The following STK3 variants were observed in gnomAD, a reference collection of about 807,000 sequenced individuals.
The protein encoded by STK3 is serine/threonine-protein kinase 3.
Under a neutral mutation model 58.0 loss-of-function variants are expected in STK3, and 41 were observed. The observed-to-expected ratio is 0.71, with a 90% CI of 0.55 to 0.92. STK3 has a LOEUF of 0.92. Among genes scored for constraint, STK3 ranks in the 40% least tolerant of loss-of-function variants. STK3 has a pLI of 0.00. For synonymous variants in STK3, 170 were observed against 191.0 expected (o/e 0.89, Z 0.91); for missense variants, 479 against 602.7 (o/e 0.79, Z 2.15).
intron 3 of STK3, among the ~76,000 whole-genome samples, chr8:98,395,606 C>T (rs192952925): frequency 1.3e-3 from 204 of 152,294 alleles, no homozygotes; most frequent in Non-Finnish European, 1.8e-3. Context: ...TGGCTACAAC[C>T]TTGATGTGTT....
chr8:98,816,033 C>T (rs1308312092), intron 1 of STK3, among the ~76,000 whole-genome samples: 1 of 152,134 alleles, frequency 6.6e-6, no homozygotes, highest in Non-Finnish European at 1.5e-5. Flanking sequence ...CTTGAGTCTG[C>T]TCCATCTCTG....
At position 98,428,602 on chromosome 8, in the gene STK3, G is replaced by A. The variant is rs1254614285; in HGVS notation, n.483+5525C>T. ...TCCATCATCACCATGTGCCTCAATAGCCTGCCCGATTTCCAAATCCCTGAC... is the reference window on the plus strand; with the variant it reads ...TCCATCATCACCATGTGCCTCAATAACCTGCCCGATTTCCAAATCCCTGAC... On this transcript the variant is annotated intron_variant and non_coding_transcript_variant, in intron 3 of 3. Coordinates refer to the STK3 transcript ENST00000517832. This position sits in a 1 kb window ranked among gnomAD's most constrained non-coding sequence, Gnocchi z 6.7. 1 of 1,614,140 alleles carries A rather than the reference G, an allele frequency of 6.2e-7. No homozygotes were observed. The highest frequency in any genetic ancestry group is 1.1e-5 in the South Asian group (1 of 91,080).
At chr8:98,588,232 G>A (rs997064943) in intron 7 of STK3, among the ~76,000 whole-genome samples, 2 of 152,064 alleles carry the variant, frequency 1.3e-5, no homozygotes, top group Non-Finnish European at 2.9e-5. Flanking sequence ...TGCAGCGGCT[G>A]GTGCCGGTTG....
chr8:98,605,956 G>C (rs141788895), intron 6 of STK3, among the ~76,000 whole-genome samples: 1 of 152,090 alleles, frequency 6.6e-6, no homozygotes, highest in Non-Finnish European at 1.5e-5. Context: ...GGCCGGGTGC[G>C]GTAGCTCATG....
chr8:98,442,480 C>T (rs1419978840), intron 1 of STK3, among the ~76,000 whole-genome samples: 2 of 152,208 alleles, frequency 1.3e-5, no homozygotes, highest in Admixed American at 6.5e-5. Context: ...CACCAAGGTG[C>T]GTTATTTCAG....
chr8:98,843,078 A>C (rs916782041), intron 3 of STK3, among the ~76,000 whole-genome samples: 5 of 150,344 alleles, frequency 3.3e-5, no homozygotes, highest in African/African-American at 1.2e-4. Context: ...TATATAATAT[A>C]TAATAAATAA....
At chr8:98,938,419 T>G (rs1366732636) in intron 1 of STK3, among the ~76,000 whole-genome samples, 3 of 152,126 alleles carry the variant, frequency 2.0e-5, no homozygotes, top group Admixed American at 2.0e-4. Context: ...CATTCAGATT[T>G]TTAGTTGGGG....
At chr8:98,514,171 G>C (rs1824744909) in intron 10 of STK3, among the ~76,000 whole-genome samples, 1 of 152,018 alleles carries the variant, frequency 6.6e-6, no homozygotes, top group South Asian at 2.1e-4. Flanking sequence ...ACAGTCTTAG[G>C]CCACTTAGGT....
chr8:98,648,064 T>C (rs1304962306), intron 6 of STK3, among the ~76,000 whole-genome samples: 1 of 152,154 alleles, frequency 6.6e-6, no homozygotes, highest in Non-Finnish European at 1.5e-5. Context: ...TCTTGATTTT[T>C]CCCCTACCTT....
intron 2 of STK3, among the ~76,000 whole-genome samples, chr8:98,769,377 T>TG (rs1195371806): frequency 6.6e-6 from 1 of 152,176 alleles, no homozygotes; most frequent in African/African-American, 2.4e-5. Context: ...TGAATGGGTC[T>TG]CACAAGATCT....
In STK3 at chr8:98,859,778, G is replaced by A. The variant is rs574596378; in HGVS notation, c.110+23869C>T. Among the ~76,000 whole-genome samples the A allele has an allele frequency of 2.6e-5, 4 of 152,332 alleles. No homozygotes were observed. The South Asian group carries it at 8.3e-4, about 32-fold the overall frequency. ...AGAATGTGTGTTGGCCACATCACTG[G>A]TAAGAACCCAGACAGCATTTCTTGG... On this transcript the variant is annotated intron_variant, in intron 3 of 12. Transcript: ENST00000523601.
At chr8:98,576,029 T>C (rs1162169100) in intron 8 of STK3, among the ~76,000 whole-genome samples, 3 of 152,224 alleles carry the variant, frequency 2.0e-5, no homozygotes, top group East Asian at 1.9e-4. Context: ...CTCTTACATG[T>C]AGGGTGTTGA....
At position 98,598,561 on chromosome 8, in the gene STK3, C is replaced by T. The variant is rs1022182388; in HGVS notation, c.685-2392G>A. 3.9e-5 allele frequency: 38 copies of T among 985,156 alleles called. No individual in the cohort carries two copies. The African/African-American group carries it at 6.3e-4, about 16-fold the overall frequency. The allele number at this position is 985,156 out of a possible 1,614,324, so 61.0% of individuals were successfully genotyped here. Reference sequence around the variant, plus strand: ...ACTGTACTAATTTAACTAATTTAACCTAATAATGAACCACAGAGGATCCTC... The same window carrying T: ...ACTGTACTAATTTAACTAATTTAACTTAATAATGAACCACAGAGGATCCTC... On this transcript the variant is annotated intron_variant, in intron 6 of 10. Coordinates refer to ENST00000419617, the MANE Select transcript of STK3 (RefSeq NM_006281.4).
downstream of STK3, among the ~76,000 whole-genome samples, chr8:98,400,567 C>G (rs1299560162): frequency 6.6e-6 from 1 of 152,226 alleles, no homozygotes; most frequent in Non-Finnish European, 1.5e-5. Context: ...CAGGCTTCTC[C>G]TGTTCCATTT....
intron 10 of STK3, among the ~76,000 whole-genome samples, chr8:98,484,011 C>T (rs551342445): frequency 1.0e-3 from 151 of 147,284 alleles, no homozygotes; most frequent in Middle Eastern, 3.6e-3. Context: ...TTAAGAGCTG[C>T]CTCCACTGAT....
At chr8:98,733,661 C>G (rs990663780) in intron 4 of STK3, among the ~76,000 whole-genome samples, 10 of 152,116 alleles carry the variant, frequency 6.6e-5, no homozygotes, top group African/African-American at 2.4e-4. Flanking sequence ...CTATGTGCAT[C>G]TCCTTTTTTC....
At chr8:98,760,304 A>T (rs1204267911) in intron 3 of STK3, among the ~76,000 whole-genome samples, 1 of 151,940 alleles carries the variant, frequency 6.6e-6, no homozygotes, top group African/African-American at 2.4e-5. Context: ...CACCCGGACT[A>T]ATTTTTTTTA....
At chr8:98,878,350 A>G (rs1388707831) in intron 3 of STK3, among the ~76,000 whole-genome samples, 2 of 152,206 alleles carry the variant, frequency 1.3e-5, no homozygotes, top group Non-Finnish European at 2.9e-5. Flanking sequence ...CAAAGAATCA[A>G]TATGTCAGTA....
At chr8:98,851,656 T>C (rs1019141078) in intron 3 of STK3, among the ~76,000 whole-genome samples, 1 of 149,810 alleles carries the variant, frequency 6.7e-6, no homozygotes, top group Non-Finnish European at 1.5e-5. Flanking sequence ...GAAAGGAGGG[T>C]GAGGAGGAAT....
Sources: gnomAD v4.1 joint callset for allele counts (sites outside exome capture counted in the v4.1 genomes callset) on GRCh38, gnomAD v4.1.1 for gene constraint, Gnocchi (gnomAD v3.1) non-coding constraint, MANE v1.5 for transcripts, NCBI Gene and HGNC (gene_info 2026-07-23, HGNC 2026-07-21) for gene names.